Variants in ADGRA3 observed in about 807,000 individuals in gnomAD.
ADGRA3 encodes adhesion G protein-coupled receptor A3.
A neutral mutation model predicts 119.8 loss-of-function variants in ADGRA3; 56 were observed. The observed-to-expected ratio is 0.47, with a 90% CI of 0.38 to 0.58. The LOEUF (loss-of-function observed/expected upper bound fraction) is 0.58. Among genes scored for constraint, ADGRA3 ranks in the 20% least tolerant of loss-of-function variants. ADGRA3 has a pLI of 0.00. For missense variants in ADGRA3, 1,516 were observed against 1,649.0 expected (o/e 0.92, Z 1.40); for synonymous variants, 607 against 623.8 (o/e 0.97, Z 0.40).
intron 4 of ADGRA3, among the ~76,000 whole-genome samples, chr4:22,449,694 A>T (rs1716963298): frequency 6.6e-6 from 1 of 152,020 alleles, no homozygotes; most frequent in African/African-American, 2.4e-5. Context: ...AAAAATACAA[A>T]AATTAGCCAG....
chr4:22,436,942 C>T (rs1385035808), intron 8 of ADGRA3, among the ~76,000 whole-genome samples: 1 of 152,150 alleles, frequency 6.6e-6, no homozygotes, highest in Non-Finnish European at 1.5e-5. Flanking sequence ...ATAGATCAAG[C>T]AACACTAAAC....
At chr4:22,406,993 C>T (rs559632802) in intron 14 of ADGRA3, among the ~76,000 whole-genome samples, 7 of 152,252 alleles carry the variant, frequency 4.6e-5, no homozygotes, top group South Asian at 4.1e-4. Flanking sequence ...AATATAAGGC[C>T]GGGCGCAGTG....
intron 2 of ADGRA3, among the ~76,000 whole-genome samples, chr4:22,466,658 G>A (rs1398021511): frequency 4.0e-5 from 6 of 150,504 alleles, no homozygotes; most frequent in African/African-American, 1.5e-4. Flanking sequence ...AGAGGCTGCA[G>A]TGCCGAGATC....
At chr4:22,438,595 A>C (rs555713047) in intron 7 of ADGRA3, among the ~76,000 whole-genome samples, 175 bp from the exon 8 acceptor site, 2 of 152,298 alleles carry the variant, frequency 1.3e-5, no homozygotes, top group Non-Finnish European at 2.9e-5. Context: ...CTTCAATCTC[A>C]AGGCAAAAAA....
chr4:22,423,554 C>A (rs1715802681), intron 11 of ADGRA3, among the ~76,000 whole-genome samples: 1 of 152,118 alleles, frequency 6.6e-6, no homozygotes, highest in Non-Finnish European at 1.5e-5. Context: ...AGCAGTATAT[C>A]AAGAAATTTA....
At chr4:22,497,182 AT>A (rs1718859190) in intron 1 of ADGRA3, among the ~76,000 whole-genome samples, 1 of 152,212 alleles carries the variant, frequency 6.6e-6, no homozygotes, top group African/African-American at 2.4e-5. Context: ...TGTAATAAAT[AT>A]GTGGTAATAC....
At position 22,501,596 on chromosome 4, in the gene ADGRA3, T is replaced by C. The variant is rs114836610; in HGVS notation, c.257+13932A>G. Among the ~76,000 whole-genome samples, 904 of 152,270 alleles carry C rather than the reference T, an allele frequency of 5.9e-3. 7 individuals carry two copies. Among genetic ancestry groups the C allele is most frequent in the African/African-American group, 0.021 (878 of 41,552 alleles). ...CCTGTTATTCATTGACTGCAGGTCC[T>C]GGGGACTCCCCACGTTTCCTTTCCA... On this transcript the variant is annotated intron_variant, in intron 1 of 18. Coordinates refer to ENST00000334304, the MANE Select transcript of ADGRA3 (RefSeq NM_145290.4).
At chr4:22,430,284 G>A (rs776554624) in intron 10 of ADGRA3, among the ~76,000 whole-genome samples, 2 of 152,152 alleles carry the variant, frequency 1.3e-5, no homozygotes, top group African/African-American at 4.8e-5. Flanking sequence ...AAGCAACTTT[G>A]GAACTGGGTA....
At chr4:22,463,236 C>A (rs1024943074) in intron 2 of ADGRA3, among the ~76,000 whole-genome samples, 1 of 152,230 alleles carries the variant, frequency 6.6e-6, no homozygotes, top group Non-Finnish European at 1.5e-5. Context: ...TAAGGATGCA[C>A]ATGACATTGG....
chr4:22,395,449 C>A (rs971110362), intron 16 of ADGRA3, among the ~76,000 whole-genome samples: 3 of 152,288 alleles, frequency 2.0e-5, no homozygotes, highest in African/African-American at 4.8e-5. Context: ...AAAACATATT[C>A]TTGCATGTGA....
At chr4:22,401,358 T>A in intron 16 of ADGRA3, 73 bp downstream of exon 16, 1 of 1,351,508 alleles carries the variant, frequency 7.4e-7, no homozygotes, top group Non-Finnish European at 1.0e-6. Flanking sequence ...AATGATTTTT[T>A]CTTTTTATAG....
rs74406494 is a variant in ADGRA3 at position 22,413,075 on chromosome 4, T to TAA, written c.2232+105_2232+106dup. On this transcript the variant is annotated intron_variant, in intron 14 of 18. Coordinates refer to ENST00000334304, the MANE Select transcript of ADGRA3 (RefSeq NM_145290.4). ...CAAAGGGAGCAAATTATGTTAAAAG[T>TAA]AAAAAAAAAAAAAAAACAAAAAACA... 5,328 of 720,330 alleles carry TAA rather than the reference T, an allele frequency of 7.4e-3. 24 individuals are homozygous for TAA. The highest frequency in any genetic ancestry group is 0.026 in the East Asian group (877 of 33,762). 44.6% of individuals were successfully genotyped at this position (720,330 alleles called of 1,614,324 possible).
intron 10 of ADGRA3, among the ~76,000 whole-genome samples, chr4:22,433,433 A>G (rs916057911): frequency 6.6e-6 from 1 of 152,238 alleles, no homozygotes; most frequent in Admixed American, 6.5e-5. Context: ...TTTTCAAATT[A>G]TACAGAGAAA....
intron 2 of ADGRA3, among the ~76,000 whole-genome samples, chr4:22,466,998 G>C (rs16872700): frequency 0.087 from 13,203 of 152,164 alleles, 827 homozygotes; most frequent in African/African-American, 0.18. Context: ...AAATTACAAG[G>C]CTGTTCATAA....
In ADGRA3 at chr4:22,413,401, T is replaced by C. The variant is rs772847861; in HGVS notation, c.2024-11A>G. Reference sequence around the variant, plus strand: ...CTACATTCACACCATCTGGAGAAAATGGGAAATAAAAATATTTCTGAAACA... The same window carrying C: ...CTACATTCACACCATCTGGAGAAAACGGGAAATAAAAATATTTCTGAAACA... On this transcript the variant is annotated splice_polypyrimidine_tract_variant and intron_variant, in intron 13 of 18. Transcript: ENST00000334304. 3.1e-6 allele frequency: 5 copies of C among 1,607,972 alleles called. No homozygotes were observed. The highest frequency in any genetic ancestry group is 1.7e-5 in the Admixed American group (1 of 59,892).
rs148523163 is a variant in ADGRA3 at position 22,436,505 on chromosome 4, C to T, written c.1222G>A (p.Asp408Asn). ...RRCDRGGFWA[D>N]DDYSRCQYAN... Reference sequence around the variant, plus strand: ...TACTGACAGCGAGAATAATCATCATCTGCCCAAAAGCCACCTCTATCACAT... The same window carrying T: ...TACTGACAGCGAGAATAATCATCATTTGCCCAAAAGCCACCTCTATCACAT... Residue 408 changes from aspartate (D) to asparagine (N), a missense_variant, in exon 9 of 19, where the codon GAT (aspartate) becomes AAT (asparagine). Asp to Asn is a conservative substitution (Grantham distance 23, BLOSUM62 1). Coordinates refer to ENST00000334304, the MANE Select transcript of ADGRA3 (RefSeq NM_145290.4). 4 of 1,613,040 alleles carry T rather than the reference C, an allele frequency of 2.5e-6. No homozygotes were observed. Among genetic ancestry groups the T allele is most frequent in the African/African-American group, 2.7e-5 (2 of 74,868 alleles).
intron 1 of ADGRA3, among the ~76,000 whole-genome samples, chr4:22,510,691 C>T (rs1412510710): frequency 6.6e-6 from 1 of 152,164 alleles, no homozygotes; most frequent in Non-Finnish European, 1.5e-5. Context: ...CTCCCGAATG[C>T]CTTCTCCCCA....
At chr4:22,394,490 A>C (rs1714272518) in intron 16 of ADGRA3, 1 of 152,226 alleles carries the variant, frequency 6.6e-6, no homozygotes, top group African/African-American at 2.4e-5. Flanking sequence ...GAAAGCATAA[A>C]ATAACCCTTT....
intron 2 of ADGRA3, among the ~76,000 whole-genome samples, chr4:22,467,624 C>T (rs1717706297): frequency 6.6e-6 from 1 of 152,160 alleles, no homozygotes; most frequent in Non-Finnish European, 1.5e-5. Context: ...AATAACTGAG[C>T]ACTGTAATAT....
Sources: allele counts gnomAD v4.1 joint callset (sites outside exome capture counted in the v4.1 genomes callset), GRCh38; gene constraint gnomAD v4.1.1; transcripts MANE v1.5; gene names NCBI Gene and HGNC (gene_info 2026-07-23, HGNC 2026-07-21).